The following ANK3 variants were observed in gnomAD, a reference collection of about 807,000 sequenced individuals.
ANK3 encodes the protein ankyrin 3.
A neutral mutation model predicts 370.9 loss-of-function variants in ANK3; 57 were observed. The observed-to-expected ratio is 0.15, with a 90% CI of 0.12 to 0.19. The LOEUF (loss-of-function observed/expected upper bound fraction) is 0.19. Ranked by LOEUF, ANK3 falls within the 10% of genes least tolerant of loss-of-function variation. ANK3 has a pLI of 1.00. For missense variants in ANK3, 4,439 were observed against 5,302.1 expected (o/e 0.84, Z 5.06); for synonymous variants, 1,929 against 1,946.3 (o/e 0.99, Z 0.23).
At chr10:60,196,353 CCGG>C in intron 15 of ANK3, 110 bp from the exon 16 acceptor site, 1 of 1,061,224 alleles carries the variant, frequency 9.4e-7, no homozygotes, top group Non-Finnish European at 1.4e-6. Flanking sequence ...TATTTACATT[CCGG>C]TTTCCACAGT....
intron 4 of ANK3, among the ~76,000 whole-genome samples, chr10:60,277,161 G>A (rs1310579844): frequency 1.3e-5 from 2 of 152,198 alleles, no homozygotes; most frequent in Non-Finnish European, 2.9e-5. Context: ...TGGCATCAGA[G>A]CTATCACTGC....
At chr10:60,306,537 G>A (rs772392299) in intron 1 of ANK3, among the ~76,000 whole-genome samples, 1 of 151,854 alleles carries the variant, frequency 6.6e-6, no homozygotes, top group Non-Finnish European at 1.5e-5. Flanking sequence ...ATATAAACAC[G>A]TGTGTGCATG....
chr10:60,470,925 T>C (rs1455673482), intron 2 of ANK3, among the ~76,000 whole-genome samples: 2 of 152,128 alleles, frequency 1.3e-5, no homozygotes, highest in Non-Finnish European at 2.9e-5. Context: ...AAACCCTTTT[T>C]CTCATATTTT....
intron 2 of ANK3, among the ~76,000 whole-genome samples, chr10:60,472,443 G>T (rs1161528458): frequency 6.6e-6 from 1 of 152,170 alleles, no homozygotes; most frequent in African/African-American, 2.4e-5. Flanking sequence ...GAATTCAGGG[G>T]CATCTTAATG....
In ANK3 at chr10:60,042,715, A is replaced by G. The variant is rs1320810793; in HGVS notation, c.13110T>C (p.His4370=). 3.1e-6 allele frequency: 5 copies of G among 1,613,798 alleles called. No individual in the cohort carries two copies. The highest frequency in any genetic ancestry group is 4.2e-6 in the Non-Finnish European group (5 of 1,179,972). ...GTTACGAGTGGCTCTTCTTTTCCAC[A>G]TGCCGGATTTCTTTCTTCGTTTTCA... is the stretch of plus-strand genomic sequence containing the variant. The part of the protein sequence containing the change: ...FKVKTKKEIR[H]VEKKSHS The change falls in exon 43 of 44, where the codon CAT becomes CAC. Residue 4370 remains histidine, a synonymous_variant. Transcript: ENST00000280772.
intron 2 of ANK3, among the ~76,000 whole-genome samples, chr10:60,501,920 A>C (rs1159193434): frequency 6.6e-6 from 1 of 152,110 alleles, no homozygotes; most frequent in Admixed American, 6.6e-5. Context: ...CGGGAGTTTG[A>C]GGTTGCAGTG....
At chr10:60,138,840 G>T in intron 24 of ANK3, 124 bp downstream of exon 24, 1 of 1,302,192 alleles carries the variant, frequency 7.7e-7, no homozygotes, top group Non-Finnish European at 1.1e-6. Context: ...AGAACATTTC[G>T]CTAAATTCAC....
chr10:60,607,906 T>C (rs2078149768), intron 2 of ANK3, among the ~76,000 whole-genome samples: 1 of 152,160 alleles, frequency 6.6e-6, no homozygotes, highest in Non-Finnish European at 1.5e-5. Context: ...CTAATGTCGT[T>C]ATCAGCCACA....
intron 7 of ANK3, among the ~76,000 whole-genome samples, chr10:60,251,910 A>G (rs1156940296): frequency 1.3e-5 from 2 of 152,080 alleles, no homozygotes; most frequent in Non-Finnish European, 2.9e-5. Flanking sequence ...GACTCTCATA[A>G]TTCATCTTCA....
At chr10:60,076,538 A>G in intron 36 of ANK3, 90 bp from the exon 37 acceptor site, 1 of 1,442,230 alleles carries the variant, frequency 6.9e-7, no homozygotes, top group Non-Finnish European at 9.2e-7. Context: ...ATTGGTCAGT[A>G]AACTTTGAAA....
intron 1 of ANK3, among the ~76,000 whole-genome samples, chr10:60,318,254 T>C (rs923623582): frequency 6.6e-6 from 1 of 152,194 alleles, no homozygotes; most frequent in Non-Finnish European, 1.5e-5. Context: ...CTAGCTCATA[T>C]GTTTAAATAA....
rs761752696 is a variant in ANK3 at position 60,477,516 on chromosome 10, TACACACACACACAC to T, written c.96+137656_96+137669del. Among the ~76,000 whole-genome samples, 345 of 122,690 alleles carry T rather than the reference TACACACACACACAC, an allele frequency of 2.8e-3. 3 individuals are homozygous for T. Among genetic ancestry groups the T allele is most frequent in the African/African-American group, 9.4e-3 (310 of 32,816 alleles). The allele number at this position is 122,690 out of a possible 152,430, so 80.5% of individuals were successfully genotyped here. A position where few individuals can be genotyped will look rare whatever the true frequency, so the allele number is the denominator to read the frequency against. Reference sequence around the variant, plus strand: ...ATACCTACTGACAGACAGACAGACATACACACACACACACACACACACACACACACACACACACA... The same window carrying T: ...ATACCTACTGACAGACAGACAGACATACACACACACACACACACACACACA... On this transcript the variant is annotated intron_variant, in intron 2 of 43. Coordinates refer to the ANK3 transcript ENST00000373827.
At chr10:60,047,451 C>T (rs189875244) in intron 42 of ANK3, among the ~76,000 whole-genome samples, 2 of 152,102 alleles carry the variant, frequency 1.3e-5, no homozygotes, top group African/African-American at 4.8e-5. Context: ...AGGATTGATG[C>T]GATATATTTT....
chr10:60,136,672 T>G (rs1251580919), intron 24 of ANK3, among the ~76,000 whole-genome samples: 3 of 152,170 alleles, frequency 2.0e-5, no homozygotes, highest in Non-Finnish European at 4.4e-5. Context: ...AGCCCTGAAT[T>G]GGGAGCTATC....
chr10:60,332,339 T>C (rs1261068520), intron 1 of ANK3, among the ~76,000 whole-genome samples: 1 of 152,170 alleles, frequency 6.6e-6, no homozygotes, highest in East Asian at 1.9e-4. Flanking sequence ...GTCAAGAAAA[T>C]AGGACACAAT....
intron 2 of ANK3, among the ~76,000 whole-genome samples, chr10:60,428,492 T>C (rs1445058301): frequency 1.3e-5 from 2 of 152,212 alleles, no homozygotes; most frequent in Non-Finnish European, 2.9e-5. Context: ...GGTTATTTTT[T>C]AAGTGACTTG....
chr10:60,205,709 C>G (rs2096752715), intron 11 of ANK3, 83 bp downstream of exon 11: 2 of 981,718 alleles, frequency 2.0e-6, no homozygotes, highest in Non-Finnish European at 1.6e-6. Context: ...ACTAGCTGGT[C>G]CCTGGAGATG....
intron 7 of ANK3, among the ~76,000 whole-genome samples, chr10:60,242,183 A>T (rs911761738): frequency 1.3e-5 from 2 of 152,200 alleles, no homozygotes; most frequent in African/African-American, 4.8e-5. Context: ...CTGAAGTTAG[A>T]GGATAAAATT....
chr10:60,432,634 T>C (rs2064054884), intron 2 of ANK3, among the ~76,000 whole-genome samples: 1 of 152,180 alleles, frequency 6.6e-6, no homozygotes, highest in African/African-American at 2.4e-5. Flanking sequence ...TAAAAAGGGA[T>C]AACTTTTAGA....
Sources: gnomAD v4.1 joint callset for allele counts (sites outside exome capture counted in the v4.1 genomes callset) on GRCh38, gnomAD v4.1.1 for gene constraint, MANE v1.5 for transcripts, NCBI Gene and HGNC (gene_info 2026-07-23, HGNC 2026-07-21) for gene names.